The following FGF14 variants were observed in gnomAD, a reference collection of about 807,000 sequenced individuals.
FGF14 encodes the protein fibroblast growth factor 14, also known as fibroblast growth factor homologous factor 4.
In FGF14, 5 loss-of-function variants were observed where a neutral mutation model predicts 25.5. The ratio of observed to expected loss-of-function variants is 0.20; its 90% CI spans 0.10 to 0.41. The LOEUF is 0.41. FGF14 is among the 10% of genes least tolerant of loss of function. FGF14 has a pLI of 1.00. For missense variants in FGF14, 222 were observed against 320.1 expected (o/e 0.69, Z 2.34); for synonymous variants, 138 against 118.3 (o/e 1.17, Z -1.08).
rs527605222 is a variant in FGF14 at position 101,800,647 on chromosome 13, T to G, written c.408+68078A>C. Reference sequence around the variant, plus strand: ...GTATCAACAATTCCTATGTTCTGTGTGTCCAGACACTTTTGATTGGCATAT... The same window carrying G: ...GTATCAACAATTCCTATGTTCTGTGGGTCCAGACACTTTTGATTGGCATAT... On this transcript the variant is annotated intron_variant, in intron 3 of 4. Coordinates refer to ENST00000376143, the MANE Select transcript of FGF14 (RefSeq NM_004115.4). 6.6e-5 allele frequency among the ~76,000 whole-genome samples: 10 copies of G among 152,306 alleles called. No individual in the cohort carries two copies. In the East Asian group the frequency reaches 1.4e-3, roughly 21 times the overall value.
At chr13:102,326,754 A>AG (rs2056463755) in intron 1 of FGF14, among the ~76,000 whole-genome samples, 1 of 76,824 alleles carries the variant, frequency 1.3e-5, no homozygotes, top group Non-Finnish European at 2.9e-5. Context: ...AAGGAAGGAA[A>AG]GAGGGAGGGA....
intron 1 of FGF14, among the ~76,000 whole-genome samples, chr13:102,056,688 T>C (rs1052511568): frequency 7.3e-5 from 11 of 151,508 alleles, no homozygotes; most frequent in African/African-American, 2.7e-4. Flanking sequence ...TATGAATAGG[T>C]CTAGAAAGAA....
Position 101,714,368 on chromosome 13 carries a change from A to G in FGF14, c.*8463T>C. 1 of 904,126 alleles carries G rather than the reference A, an allele frequency of 1.1e-6. No individual in the cohort carries two copies. The highest frequency in any genetic ancestry group is 1.9e-6 in the Non-Finnish European group (1 of 535,770). The allele number at this position is 904,126 out of a possible 1,614,324, so 56.0% of individuals were successfully genotyped here. A position where few individuals can be genotyped will look rare whatever the true frequency, so the allele number is the denominator to read the frequency against. ...TTAGAAGCCTGTTGTCAGTGTGTCA[A>G]CGATATTCTATTCGAGATGGAAACC... is the stretch of plus-strand genomic sequence containing the variant. On this transcript the variant is annotated 3_prime_UTR_variant, in exon 5 of 5. Transcript: ENST00000376143.
At position 102,355,287 on chromosome 13, in the gene FGF14, G is replaced by A. The variant is rs539309376; in HGVS notation, c.208+46184C>T. ...ATTAGGCTTTGTAGGTCACATTAAC[G>A]ACTGTTCAATGAAATTTGCACAACC... is the stretch of plus-strand genomic sequence containing the variant. On this transcript the variant is annotated intron_variant, in intron 1 of 4. Transcript: ENST00000376131. Among the ~76,000 whole-genome samples, 119 of 152,186 alleles carry A rather than the reference G, an allele frequency of 7.8e-4. 3 individuals carry two copies. The South Asian group carries it at 0.013, about 16-fold the overall frequency.
At chr13:102,027,667 C>T (rs545979870) in intron 1 of FGF14, among the ~76,000 whole-genome samples, 2 of 152,000 alleles carry the variant, frequency 1.3e-5, no homozygotes, top group Admixed American at 6.6e-5. Context: ...AGCTATCCAT[C>T]CTTTGCTTGA....
intron 1 of FGF14, among the ~76,000 whole-genome samples, chr13:102,391,748 T>C (rs1025308877): frequency 5.3e-5 from 8 of 152,368 alleles, no homozygotes; most frequent in African/African-American, 1.9e-4. Context: ...ATTGTGTTAC[T>C]GCTTTCAATT....
At chr13:101,856,798 G>C (rs1023510354) in intron 3 of FGF14, among the ~76,000 whole-genome samples, 2 of 151,898 alleles carry the variant, frequency 1.3e-5, no homozygotes, top group African/African-American at 4.8e-5. Flanking sequence ...AAGCAAGAAA[G>C]ACATTGATTT....
At position 101,715,571 on chromosome 13, in the gene FGF14, A is replaced by G; in HGVS notation, c.*7260T>C. 1 of 1,611,048 alleles carries G rather than the reference A, an allele frequency of 6.2e-7. No homozygotes were observed. Among genetic ancestry groups the G allele is most frequent in the Non-Finnish European group, 8.5e-7 (1 of 1,177,260 alleles). ...TATGTATTTTATTGCAGGGAATGGA[A>G]TATGTAGCTGTGGAAACTGTGAATG... On this transcript the variant is annotated 3_prime_UTR_variant, in exon 5 of 5. Transcript: ENST00000376143.
At chr13:101,740,728 T>C (rs1217119257) in intron 3 of FGF14, among the ~76,000 whole-genome samples, 1 of 152,190 alleles carries the variant, frequency 6.6e-6, no homozygotes, top group African/African-American at 2.4e-5. Flanking sequence ...TTACAGAATA[T>C]CATTTCAAAT....
At chr13:101,945,852 C>T (rs537905737) in intron 1 of FGF14, among the ~76,000 whole-genome samples, 7 of 152,294 alleles carry the variant, frequency 4.6e-5, no homozygotes, top group African/African-American at 7.2e-5. Flanking sequence ...GGCACTGTTG[C>T]CCTCCATGGT....
intron 1 of FGF14, among the ~76,000 whole-genome samples, chr13:102,030,289 C>T (rs919963424): frequency 2.0e-5 from 3 of 152,018 alleles, no homozygotes; most frequent in Admixed American, 2.0e-4. Context: ...AATCAGTCTG[C>T]CCCAGGTTCC....
At chr13:102,128,257 C>A (rs1406275575) in intron 1 of FGF14, among the ~76,000 whole-genome samples, 1 of 131,632 alleles carries the variant, frequency 7.6e-6, no homozygotes, top group East Asian at 1.9e-4. Flanking sequence ...GTAGCCCATA[C>A]TAGGAGCTCA....
At chr13:102,093,738 G>A (rs574714694) in intron 1 of FGF14, among the ~76,000 whole-genome samples, 1 of 151,502 alleles carries the variant, frequency 6.6e-6, no homozygotes, top group South Asian at 2.1e-4. Flanking sequence ...AAATTGCTTG[G>A]TATGTATTAC....
At chr13:102,259,133 T>C (rs1415626057) in intron 1 of FGF14, among the ~76,000 whole-genome samples, 1 of 152,222 alleles carries the variant, frequency 6.6e-6, no homozygotes, top group Non-Finnish European at 1.5e-5. Context: ...TACTCCTCTG[T>C]TGAAAGACTT....
intron 3 of FGF14, among the ~76,000 whole-genome samples, chr13:101,739,184 T>G (rs2139769656): frequency 6.7e-6 from 1 of 150,244 alleles, no homozygotes; most frequent in South Asian, 2.1e-4. Context: ...AAATTAAAAT[T>G]TTTGAGTACT....
At chr13:101,964,525 C>T (rs1272119077) in intron 1 of FGF14, among the ~76,000 whole-genome samples, 5 of 152,070 alleles carry the variant, frequency 3.3e-5, no homozygotes, top group African/African-American at 9.7e-5. Flanking sequence ...TTTAGAGCCT[C>T]ATCATTGTGA....
intron 1 of FGF14, among the ~76,000 whole-genome samples, chr13:102,275,319 G>A (rs2141182048): frequency 7.4e-6 from 1 of 135,544 alleles, no homozygotes; most frequent in East Asian, 2.2e-4. Flanking sequence ...GGTCATATTT[G>A]TTTTGGTATT....
intron 3 of FGF14, among the ~76,000 whole-genome samples, chr13:101,803,197 C>G (rs2040993855): frequency 6.7e-6 from 1 of 150,222 alleles, no homozygotes; most frequent in South Asian, 2.1e-4. Flanking sequence ...AGCATGATCA[C>G]AGTTCATTGC....
chr13:101,905,825 T>C (rs760179301), intron 1 of FGF14, among the ~76,000 whole-genome samples: 56 of 152,276 alleles, frequency 3.7e-4, no homozygotes, highest in Non-Finnish European at 5.4e-4. Flanking sequence ...TAAGGATTCA[T>C]TGAGTTAATT....
Sources: gnomAD v4.1 joint callset for allele counts (sites outside exome capture counted in the v4.1 genomes callset) on GRCh38, gnomAD v4.1.1 for gene constraint, MANE v1.5 for transcripts, NCBI Gene and HGNC (gene_info 2026-07-23, HGNC 2026-07-21) for gene names.